PHYHIPL: variants seen among roughly 807,000 people sequenced by gnomAD.
The protein encoded by PHYHIPL is phytanoyl-CoA 2-hydroxylase interacting protein like.
PHYHIPL carries 9 observed loss-of-function variants against 33.4 expected under a neutral mutation model. The observed-to-expected ratio is 0.27, with a 90% confidence interval of 0.16 to 0.47. The LOEUF is 0.47. PHYHIPL is among the 20% of genes least tolerant of loss of function. The probability of loss-of-function intolerance (pLI) is 0.99; values close to 1 mark genes in which losing one functional copy is unlikely to be tolerated. For synonymous variants in PHYHIPL, 153 were observed against 154.1 expected (o/e 0.99, Z 0.05); for missense variants, 365 against 460.7 (o/e 0.79, Z 1.90).
upstream of PHYHIPL, among the ~76,000 whole-genome samples, chr10:59,175,074 C>A (rs144606979): frequency 1.3e-5 from 2 of 152,270 alleles, no homozygotes; most frequent in East Asian, 3.9e-4. Flanking sequence ...GTTGGGCTTA[C>A]AATACCAATT....
chr10:59,243,759 AAAC>A lies in PHYHIPL; in HGVS notation c.597-1295_597-1293del, dbSNP rs779857740. On this transcript the variant is annotated intron_variant, in intron 4 of 4. Transcript: ENST00000373880. ...TGCTGGTCAGGGACCCAGCAAAAAA[AAAC>A]AAACAACAAAAAAAAGAAGGCAGCA... Among the ~76,000 whole-genome samples the A allele has an allele frequency of 8.6e-4, 130 of 150,564 alleles. 2 individuals are homozygous for A. The highest frequency in any genetic ancestry group is 1.3e-3 in the Non-Finnish European group (91 of 68,012).
chr10:59,227,916 G>T (rs1425135354), intron 1 of PHYHIPL, among the ~76,000 whole-genome samples: 1 of 148,652 alleles, frequency 6.7e-6, no homozygotes, highest in Non-Finnish European at 1.5e-5. Context: ...GGAGGTTTAG[G>T]TCAAGATTCA....
chr10:59,208,749 A>G (rs1242293202), intron 1 of PHYHIPL, among the ~76,000 whole-genome samples: 2 of 152,108 alleles, frequency 1.3e-5, no homozygotes, highest in Non-Finnish European at 2.9e-5. Context: ...GATGGATCTG[A>G]AAAACACAGC....
intron 1 of PHYHIPL, among the ~76,000 whole-genome samples, chr10:59,186,145 A>C (rs1215411368): frequency 6.6e-6 from 1 of 152,116 alleles, no homozygotes; most frequent in Non-Finnish European, 1.5e-5. Flanking sequence ...TTTTTGTATA[A>C]GGTGTAAGGA....
intron 1 of PHYHIPL, 59 bp downstream of exon 1, chr10:59,177,018 ACTCTGGCTCCGCC>A: frequency 6.7e-7 from 1 of 1,484,932 alleles, no homozygotes; most frequent in Non-Finnish European, 9.3e-7. Context: ...CGCCGGGGCC[ACTCTGGCTCCGCC>A]GACGCCGCTC....
chr10:59,214,219 C>T (rs1839544955), intron 1 of PHYHIPL, among the ~76,000 whole-genome samples: 1 of 151,886 alleles, frequency 6.6e-6, no homozygotes. Context: ...AATATATATG[C>T]TTAGAATGCA....
intron 1 of PHYHIPL, among the ~76,000 whole-genome samples, chr10:59,204,863 GTTT>G (rs1230018175): frequency 9.2e-5 from 12 of 129,850 alleles, no homozygotes; most frequent in South Asian, 5.1e-4. Flanking sequence ...GTCTCATAAA[GTTT>G]TTTTTTTTTT....
At chr10:59,235,075 T>C (rs1472098979) in intron 2 of PHYHIPL, among the ~76,000 whole-genome samples, 1 of 151,892 alleles carries the variant, frequency 6.6e-6, no homozygotes, top group Non-Finnish European at 1.5e-5. Context: ...CACTTTTTTT[T>C]CTATAACTGC....
intron 1 of PHYHIPL, among the ~76,000 whole-genome samples, chr10:59,219,712 A>G (rs1839710401): frequency 6.6e-6 from 1 of 152,174 alleles, no homozygotes; most frequent in African/African-American, 2.4e-5. Flanking sequence ...TCAGTACATT[A>G]GGTGAACAAG....
chr10:59,178,679 C>T (rs7916851), intron 1 of PHYHIPL, among the ~76,000 whole-genome samples: 7,626 of 152,128 alleles, frequency 0.05, 510 homozygotes, highest in African/African-American at 0.15. Context: ...TACTTAAAAC[C>T]GCATTTACCA....
chr10:59,216,419 C>T (rs187124219), intron 1 of PHYHIPL, among the ~76,000 whole-genome samples: 31 of 152,060 alleles, frequency 2.0e-4, no homozygotes, highest in Non-Finnish European at 3.7e-4. Context: ...ACATTCCTTT[C>T]TTTTGGATAT....
In PHYHIPL at chr10:59,234,294, T is replaced by C. The variant is rs200241552; in HGVS notation, c.107-10T>C. The C allele has an allele frequency of 3.2e-6, 5 of 1,545,122 alleles. No individual in the cohort carries two copies. The East Asian group carries it at 1.2e-4, about 38-fold the overall frequency. ...TGGAAATTAACTTCCTGTGCATTGTTTTCTTGCAGGGAACAAATCACAAGA... is the reference window on the plus strand; with the variant it reads ...TGGAAATTAACTTCCTGTGCATTGTCTTCTTGCAGGGAACAAATCACAAGA... On this transcript the variant is annotated splice_polypyrimidine_tract_variant and intron_variant, in intron 1 of 4. Transcript: ENST00000373880.
intron 1 of PHYHIPL, among the ~76,000 whole-genome samples, chr10:59,233,107 A>C (rs1022241660): frequency 6.6e-6 from 1 of 151,968 alleles, no homozygotes; most frequent in Non-Finnish European, 1.5e-5. Flanking sequence ...AAGGATTTTT[A>C]AAAGTATTGT....
chr10:59,198,893 G>T (rs1351785943), intron 1 of PHYHIPL, among the ~76,000 whole-genome samples: 1 of 152,098 alleles, frequency 6.6e-6, no homozygotes, highest in Non-Finnish European at 1.5e-5. Flanking sequence ...CCCACTTTTT[G>T]ATGGGTTTGT....
intron 1 of PHYHIPL, among the ~76,000 whole-genome samples, chr10:59,211,337 A>G (rs1839433149): frequency 6.6e-6 from 1 of 152,124 alleles, no homozygotes; most frequent in Admixed American, 6.5e-5. Flanking sequence ...TGATCAGGCC[A>G]TTGCACTTCA....
intron 4 of PHYHIPL, among the ~76,000 whole-genome samples, chr10:59,240,337 A>G (rs1327303131): frequency 6.6e-6 from 1 of 152,028 alleles, no homozygotes; most frequent in Non-Finnish European, 1.5e-5. Flanking sequence ...CAATGGGGTT[A>G]TGTCCTGTTA....
intron 1 of PHYHIPL, among the ~76,000 whole-genome samples, chr10:59,216,293 G>A (rs1276125664): frequency 2.0e-5 from 3 of 152,066 alleles, no homozygotes; most frequent in Admixed American, 2.0e-4. Context: ...GCACTTGTGA[G>A]AAACATTATT....
intron 1 of PHYHIPL, among the ~76,000 whole-genome samples, chr10:59,191,958 G>T (rs1406288489): frequency 6.6e-6 from 1 of 152,048 alleles, no homozygotes; most frequent in Non-Finnish European, 1.5e-5. Flanking sequence ...ATCTGTTTAA[G>T]AGAGGAAGGG....
chr10:59,185,181 G>A (rs1422669499), intron 1 of PHYHIPL, among the ~76,000 whole-genome samples: 8 of 151,480 alleles, frequency 5.3e-5, no homozygotes, highest in African/African-American at 1.7e-4. Context: ...TAGTAGAGAC[G>A]GGGTTTCACC....
Sources: allele counts gnomAD v4.1 joint callset (sites outside exome capture counted in the v4.1 genomes callset), GRCh38; gene constraint gnomAD v4.1.1; transcripts MANE v1.5; gene names NCBI Gene and HGNC (gene_info 2026-07-23, HGNC 2026-07-21).